SLC35D2: variants seen among roughly 807,000 people sequenced by gnomAD.
The protein encoded by SLC35D2 is nucleotide sugar transporter SLC35D2.
In SLC35D2, 43 loss-of-function variants were observed where a neutral mutation model predicts 41.8. The observed-to-expected ratio is 1.03, with a 90% confidence interval of 0.81 to 1.33. SLC35D2 has a LOEUF of 1.33. Among genes scored for constraint, SLC35D2 ranks in the 40% most tolerant of loss-of-function variants. SLC35D2 has a pLI of 0.00. For synonymous variants in SLC35D2, 150 were observed against 163.9 expected, an observed-to-expected ratio of 0.92 and a Z score of 0.65; for missense variants, 380 against 408.4, an observed-to-expected ratio of 0.93 and a Z score of 0.60.
At chr9:96,374,995 C>CT (rs373967703) in intron 1 of SLC35D2, among the ~76,000 whole-genome samples, 36,408 of 136,068 alleles carry the variant, frequency 0.27, 6,232 homozygotes, top group African/African-American at 0.49. Context: ...TGTTTGAATT[C>CT]TTTTTTTTTT....
chr9:96,332,767 A>G (rs1805504930), intron 9 of SLC35D2, among the ~76,000 whole-genome samples: 1 of 151,698 alleles, frequency 6.6e-6, no homozygotes, highest in Non-Finnish European at 1.5e-5. Context: ...TGACACAGCG[A>G]GACTCCATCT....
intron 1 of SLC35D2, among the ~76,000 whole-genome samples, chr9:96,382,494 C>CTATATAT (rs1163434644): frequency 7.0e-6 from 1 of 143,650 alleles, no homozygotes; most frequent in African/African-American, 2.7e-5. Flanking sequence ...CACACACACA[C>CTATATAT]ACTATATATA....
chr9:96,322,724 T>G (rs953354741), intron 10 of SLC35D2, among the ~76,000 whole-genome samples: 19 of 142,698 alleles, frequency 1.3e-4, no homozygotes, highest in Admixed American at 2.7e-4. Context: ...GGGGTTTTTT[T>G]TTTTTTTTTT....
At chr9:96,374,843 C>CAA (rs1179481303) in intron 1 of SLC35D2, among the ~76,000 whole-genome samples, 6 of 107,502 alleles carry the variant, frequency 5.6e-5, no homozygotes, top group Non-Finnish European at 8.1e-5. Flanking sequence ...CACTCCGCCT[C>CAA]AAAAAAAAAA....
intron 1 of SLC35D2, among the ~76,000 whole-genome samples, chr9:96,382,464 T>TACACAC (rs1491363084): frequency 1.0e-5 from 1 of 95,526 alleles, no homozygotes; most frequent in African/African-American, 5.9e-5. Context: ...AAAAAAATAT[T>TACACAC]ATACACACAC....
chr9:96,383,410 G>T, intron 1 of SLC35D2, 67 bp downstream of exon 1: 1 of 1,358,486 alleles, frequency 7.4e-7, no homozygotes. Context: ...GGGCGCCGCT[G>T]AAGCGCACGG....
chr9:96,315,873 T>C (rs548993569), downstream of SLC35D2, among the ~76,000 whole-genome samples: 8 of 152,220 alleles, frequency 5.3e-5, no homozygotes, highest in Non-Finnish European at 7.3e-5. Flanking sequence ...AGATACACAC[T>C]ATTTTTAATG....
chr9:96,346,906 G>T (rs1160038061), intron 6 of SLC35D2, among the ~76,000 whole-genome samples: 1 of 152,066 alleles, frequency 6.6e-6, no homozygotes, highest in Non-Finnish European at 1.5e-5. Flanking sequence ...GGAGGCCAAG[G>T]TGGGTGGATC....
At chr9:96,364,587 T>C in intron 2 of SLC35D2, 37 bp from the exon 3 acceptor site, 2 of 1,190,302 alleles carry the variant, frequency 1.7e-6, no homozygotes, top group Admixed American at 1.7e-5. Context: ...CAGCAAAATA[T>C]CTGCAAAGAT....
chr9:96,346,280 TG>T (rs1380018774), intron 6 of SLC35D2, among the ~76,000 whole-genome samples: 1 of 152,198 alleles, frequency 6.6e-6, no homozygotes, highest in Non-Finnish European at 1.5e-5. Context: ...CAGTTAGACT[TG>T]GGGACTTACG....
At chr9:96,334,455 T>G (rs565870642) in intron 9 of SLC35D2, among the ~76,000 whole-genome samples, 1 of 152,138 alleles carries the variant, frequency 6.6e-6, no homozygotes, top group South Asian at 2.1e-4. Context: ...CTAGCCAACA[T>G]GATGAAACTC....
chr9:96,337,699 T>G (rs1317409503), intron 8 of SLC35D2, among the ~76,000 whole-genome samples: 1 of 151,690 alleles, frequency 6.6e-6, no homozygotes, highest in Non-Finnish European at 1.5e-5. Context: ...ACTTCATTTT[T>G]GGCCGGGCGC....
intron 2 of SLC35D2, among the ~76,000 whole-genome samples, chr9:96,365,664 T>A (rs765885393): frequency 1.9e-4 from 29 of 152,208 alleles, no homozygotes; most frequent in Non-Finnish European, 1.6e-4. Context: ...GGAAAAAAAG[T>A]TCTTTAAACT....
In SLC35D2 at chr9:96,343,906, G is replaced by A. The variant is rs1227251996; in HGVS notation, c.682C>T (p.Gln228Ter). 2.0e-6 allele frequency: 3 copies of A among 1,534,524 alleles called. No individual in the cohort carries two copies. The highest frequency in any genetic ancestry group is 1.4e-5 in the African/African-American group (1 of 70,216). ...TGTAATGATTGTCATCAGCTCACCT[G>A]TTGCAGGTCTCCAGTGGAGACACTA... ...IISVSTGDLQQATEFNQWKNV... is the reference protein window; with the variant it reads ...IISVSTGDLQ Residue 228 changes from glutamine (Q) to a stop codon, truncating the protein, a stop_gained and splice_region_variant, in exon 8 of 12, where the codon CAG (glutamine) becomes TAG (stop). Transcript: ENST00000253270. LOFTEE classifies it high-confidence loss of function.
At chr9:96,317,375 C>G (rs1828077753), downstream of SLC35D2, among the ~76,000 whole-genome samples, 1 of 152,080 alleles carries the variant, frequency 6.6e-6, no homozygotes, top group South Asian at 2.1e-4. Context: ...AGAGCCTTTC[C>G]ATACCACTTC....
At position 96,361,321 on chromosome 9, in the gene SLC35D2, T is replaced by TTA. The variant is rs373372160; in HGVS notation, c.280-1102_280-1101dup. Among the ~76,000 whole-genome samples the TTA allele has an allele frequency of 1.3e-3, 193 of 152,306 alleles. 1 individual carries two copies. The highest frequency in any genetic ancestry group is 4.5e-3 in the African/African-American group (188 of 41,584). ...TGTGACTGTATTTGGAGATGAGGTC[T>TTA]TAACCAAGGTAATTCAGGTTACATG... On this transcript the variant is annotated intron_variant, in intron 3 of 11. Coordinates refer to ENST00000253270, the MANE Select transcript of SLC35D2 (RefSeq NM_007001.3).
intron 2 of SLC35D2, among the ~76,000 whole-genome samples, chr9:96,365,993 T>C (rs1244316277): frequency 1.3e-5 from 2 of 152,282 alleles, no homozygotes; most frequent in East Asian, 3.9e-4. Context: ...CGCCTCACAT[T>C]ATAATTCTTA....
At chr9:96,329,460 A>C (rs1828709276) in intron 9 of SLC35D2, among the ~76,000 whole-genome samples, 1 of 152,120 alleles carries the variant, frequency 6.6e-6, no homozygotes, top group African/African-American at 2.4e-5. Flanking sequence ...CCTGGCCTCA[A>C]GTGATCCTCC....
chr9:96,350,594 T>C (rs1403011731), intron 6 of SLC35D2, among the ~76,000 whole-genome samples: 4 of 151,822 alleles, frequency 2.6e-5, no homozygotes, highest in Non-Finnish European at 5.9e-5. Context: ...AGACTTGGAG[T>C]CCTCGTTATT....
Sources: allele counts gnomAD v4.1 joint callset (sites outside exome capture counted in the v4.1 genomes callset), GRCh38; gene constraint gnomAD v4.1.1; transcripts MANE v1.5; gene names NCBI Gene and HGNC (gene_info 2026-07-23, HGNC 2026-07-21).